Variants in THEM4 observed in about 807,000 individuals in gnomAD.
THEM4 encodes the protein thioesterase superfamily member 4.
In THEM4, 22 loss-of-function variants were observed where a neutral mutation model predicts 25.0. The observed-to-expected ratio is 0.88, with a 90% CI of 0.63 to 1.26. THEM4 has a LOEUF of 1.26. THEM4 is among the 50% of genes most tolerant of loss of function. THEM4 has a pLI of 0.00. For missense variants in THEM4, 286 were observed against 300.3 expected (o/e 0.95, Z 0.35); for synonymous variants, 113 against 105.6 (o/e 1.07, Z -0.43).
Position 151,874,928 on chromosome 1 carries a change from C to A in THEM4, c.683G>T (p.Ser228Ile). The change falls in exon 6 of 6, where the codon AGC becomes ATC. Residue 228 changes from serine (S) to isoleucine (I), a missense_variant and splice_region_variant. Transcript: ENST00000368814. ...AGCAGGATTCAGCTTTATAAATAAG[C>A]CTAAACAAACAAAATAACAGCAGAT... ...DEKTLYSEAT[S>I]LFIKLNPAKS... 1 of 1,612,834 alleles carries A rather than the reference C, an allele frequency of 6.2e-7. No individual in the cohort carries two copies. Among genetic ancestry groups the A allele is most frequent in the Non-Finnish European group, 8.5e-7 (1 of 1,178,900 alleles).
intron 1 of THEM4, among the ~76,000 whole-genome samples, chr1:151,907,592 T>A (rs1654499864): frequency 2.0e-5 from 3 of 152,200 alleles, no homozygotes; most frequent in Admixed American, 2.0e-4. Flanking sequence ...TGGGTCTGAG[T>A]GCACTCAATA....
At chr1:151,897,782 T>C (rs568672690) in intron 1 of THEM4, among the ~76,000 whole-genome samples, 7 of 152,220 alleles carry the variant, frequency 4.6e-5, no homozygotes, top group African/African-American at 9.6e-5. Flanking sequence ...AACTGTGGAA[T>C]TGGGAAAGAA....
intron 4 of THEM4, among the ~76,000 whole-genome samples, chr1:151,884,079 TAATAAATA>T (rs146748985): frequency 1.2e-3 from 169 of 144,286 alleles, no homozygotes; most frequent in African/African-American, 2.9e-3. Flanking sequence ...TGTCTCAAAA[TAATAAATA>T]AATAAATAAA....
At chr1:151,879,006 A>G (rs1387610128) in intron 4 of THEM4, among the ~76,000 whole-genome samples, 1 of 152,036 alleles carries the variant, frequency 6.6e-6, no homozygotes, top group East Asian at 1.9e-4. Flanking sequence ...CAAGACAATG[A>G]GAGAGAGCAT....
In THEM4 at chr1:151,874,363, A is replaced by C. The variant is rs34876655; in HGVS notation, c.*525T>G. 2,331 of 33,396 alleles carry C rather than the reference A, an allele frequency of 0.07. 26 individuals carry two copies. The highest frequency in any genetic ancestry group is 0.1 in the Non-Finnish European group (1,546 of 15,432). The allele number at this position is 33,396 out of a possible 1,614,324, so 2.1% of individuals were successfully genotyped here. On this transcript the variant is annotated 3_prime_UTR_variant, in exon 6 of 6. Transcript: ENST00000368814. Reference sequence around the variant, plus strand: ...AGGTAACATATCCTAAGGAGACAAGAGTTTTTTTTTTTTGTTTGTTTGTTT... The same window carrying C: ...AGGTAACATATCCTAAGGAGACAAGCGTTTTTTTTTTTTGTTTGTTTGTTT...
intron 1 of THEM4, among the ~76,000 whole-genome samples, chr1:151,906,144 G>A (rs540251984): frequency 4.6e-5 from 7 of 152,366 alleles, no homozygotes; most frequent in South Asian, 4.1e-4. Context: ...AGGGAGAGGC[G>A]CGAGCAGGAA....
At chr1:151,885,083 TTTTATTTATTTA>T (rs146473655) in intron 4 of THEM4, among the ~76,000 whole-genome samples, 45,862 of 145,364 alleles carry the variant, frequency 0.32, 8,470 homozygotes, top group South Asian at 0.52. Flanking sequence ...TGATTTCATC[TTTTATTTATTTA>T]TTTATTTATT....
chr1:151,899,051 C>T (rs1164990075), intron 1 of THEM4, among the ~76,000 whole-genome samples: 2 of 152,228 alleles, frequency 1.3e-5, no homozygotes, highest in African/African-American at 4.8e-5. Context: ...CCCCAAAAAT[C>T]ACACTAGTTC....
rs1245161550 is a variant in THEM4 at position 151,874,818 on chromosome 1, A to G, written c.*70T>C. On this transcript the variant is annotated 3_prime_UTR_variant, in exon 6 of 6. Transcript: ENST00000368814. ...CCCTACAGGGATTCAGCAGTGAGGG[A>G]GCAGAGTATTTGGGGGACAACTGCT... 2.8e-6 allele frequency: 4 copies of G among 1,419,146 alleles called. No homozygotes were observed. The African/African-American group carries it at 4.2e-5, about 15-fold the overall frequency. The allele number at this position is 1,419,146 out of a possible 1,614,324, so 87.9% of individuals were successfully genotyped here. A position where few individuals can be genotyped will look rare whatever the true frequency, so the allele number is the denominator to read the frequency against.
In THEM4 at chr1:151,909,474, G is replaced by T; in HGVS notation, c.-16C>A. 7.3e-7 allele frequency: 1 copy of T among 1,375,552 alleles called. No homozygotes were observed. The highest frequency in any genetic ancestry group is 9.3e-7 in the Non-Finnish European group (1 of 1,072,982). 85.2% of individuals were successfully genotyped at this position (1,375,552 alleles called of 1,614,324 possible). On this transcript the variant is annotated 5_prime_UTR_variant, in exon 1 of 6. Transcript: ENST00000368814. ...TCCTCAGCATGGCTCCGGGCCGCGGGGCCGCGCTTGCTCTAGCCCTGGACG... is the reference window on the plus strand; with the variant it reads ...TCCTCAGCATGGCTCCGGGCCGCGGTGCCGCGCTTGCTCTAGCCCTGGACG...
At position 151,883,277 on chromosome 1, in the gene THEM4, A is replaced by AT. The variant is rs1041299266; in HGVS notation, c.557+4995dup. Among the ~76,000 whole-genome samples, 29 of 150,220 alleles carry AT rather than the reference A, an allele frequency of 1.9e-4. 1 individual carries two copies. Among genetic ancestry groups the AT allele is most frequent in the African/African-American group, 5.6e-4 (23 of 40,900 alleles). On this transcript the variant is annotated intron_variant, in intron 4 of 5. Transcript: ENST00000368814. ...AGGCATACACCACCATGCCCAGCTAATTTTTTTTTGCATTTTCAGTAGAGA... is the reference window on the plus strand; with the variant it reads ...AGGCATACACCACCATGCCCAGCTAATTTTTTTTTTGCATTTTCAGTAGAGA...
chr1:151,872,486 A>G lies in THEM4; in HGVS notation c.*2402T>C, dbSNP rs1653575791. ...TATTGCCTGCACTAGGAAGCAGAAT[A>G]TATTTTCCAGAACATTAGTCTCTGT... On this transcript the variant is annotated 3_prime_UTR_variant, in exon 6 of 6. Coordinates refer to ENST00000368814, the MANE Select transcript of THEM4 (RefSeq NM_053055.5). 6.6e-6 allele frequency among the ~76,000 whole-genome samples: 1 copy of G among 152,230 alleles called. No homozygotes were observed. The highest frequency in any genetic ancestry group is 2.4e-5 in the African/African-American group (1 of 41,462).
At position 151,871,338 on chromosome 1, in the gene THEM4, A is replaced by G. The variant is rs1047788028; in HGVS notation, c.*3550T>C. Among the ~76,000 whole-genome samples, 10 of 151,860 alleles carry G rather than the reference A, an allele frequency of 6.6e-5. No individual in the cohort carries two copies. Among genetic ancestry groups the G allele is most frequent in the Admixed American group, 3.3e-4 (5 of 15,240 alleles). ...AGACCCTGTCTTGAAAAAAAAAAAA[A>G]AAAAAGAAAAAGAAAAAAGAAAGGA... On this transcript the variant is annotated 3_prime_UTR_variant, in exon 6 of 6. Transcript: ENST00000368814.
chr1:151,891,778 G>A (rs1654099313), intron 2 of THEM4, among the ~76,000 whole-genome samples: 1 of 152,144 alleles, frequency 6.6e-6, no homozygotes, highest in Non-Finnish European at 1.5e-5. Flanking sequence ...CATAAACTGA[G>A]GAGCCACTGT....
chr1:151,888,165 A>T, intron 4 of THEM4, 108 bp downstream of exon 4: 1 of 785,810 alleles, frequency 1.3e-6, no homozygotes, highest in East Asian at 2.9e-5. Context: ...CTCCTCTGGG[A>T]GCACTTCCTT....
chr1:151,907,752 G>A (rs184710872), intron 1 of THEM4, among the ~76,000 whole-genome samples: 19 of 152,226 alleles, frequency 1.2e-4, no homozygotes, highest in African/African-American at 3.9e-4. Context: ...GGACAGCAAC[G>A]GCACCTATTT....
chr1:151,881,022 C>G (rs1653800518), intron 4 of THEM4, among the ~76,000 whole-genome samples: 1 of 151,862 alleles, frequency 6.6e-6, no homozygotes, highest in Non-Finnish European at 1.5e-5. Context: ...CACTCATTTT[C>G]TCTTATTTTA....
In THEM4 at chr1:151,909,387, C is replaced by A. The variant is rs748256953; in HGVS notation, c.72G>T (p.Leu24=). ...GCTCGGGTCGCGGCTCGCTTCCCGGCAGGCGCCGGCCTACTGGCGGCAGGC... is the reference window on the plus strand; with the variant it reads ...GCTCGGGTCGCGGCTCGCTTCCCGGAAGGCGCCGGCCTACTGGCGGCAGGC... The part of the protein sequence containing the change: ...ALCLPPVGRR[L]PGSEPRPELR... Residue 24 remains leucine (L), a synonymous_variant, in exon 1 of 6, where the codon CTG becomes CTT. Transcript: ENST00000368814. The A allele has an allele frequency of 6.6e-7, 1 of 1,506,012 alleles. No homozygotes were observed. The highest frequency in any genetic ancestry group is 8.8e-7 in the Non-Finnish European group (1 of 1,133,748). 93.3% of individuals were successfully genotyped at this position (1,506,012 alleles called of 1,614,324 possible).
intron 1 of THEM4, among the ~76,000 whole-genome samples, chr1:151,905,462 T>C (rs1654436986): frequency 6.6e-6 from 1 of 151,918 alleles, no homozygotes; most frequent in Non-Finnish European, 1.5e-5. Context: ...GGCGCTCAAA[T>C]ATGGGGCCTG....
Sources: allele counts gnomAD v4.1 joint callset (sites outside exome capture counted in the v4.1 genomes callset), GRCh38; gene constraint gnomAD v4.1.1; transcripts MANE v1.5; gene names NCBI Gene and HGNC (gene_info 2026-07-23, HGNC 2026-07-21).